Variants in MEIS1 observed in about 807,000 individuals in gnomAD.
The protein encoded by MEIS1 is Meis homeobox 1, also known as homeobox protein Meis1.
In MEIS1, 5 loss-of-function variants were observed where a neutral mutation model predicts 50.8. That is an observed-to-expected ratio of 0.10 (90% CI 0.05 to 0.21). The LOEUF is 0.21. Ranked by LOEUF, MEIS1 falls within the 10% of genes least tolerant of loss-of-function variation. The pLI is 1.00. For missense variants in MEIS1, 318 were observed against 517.3 expected (o/e 0.61, Z 3.74); for synonymous variants, 176 against 179.3 (o/e 0.98, Z 0.15).
intron 9 of MEIS1, among the ~76,000 whole-genome samples, chr2:66,559,165 GACAA>G (rs1224873782): frequency 4.0e-5 from 6 of 151,332 alleles, no homozygotes; most frequent in African/African-American, 1.5e-4. Flanking sequence ...CTGTCTCAAA[GACAA>G]ACAAACAAGT....
chr2:66,528,222 T>C (rs570881993), intron 8 of MEIS1, among the ~76,000 whole-genome samples: 3 of 152,158 alleles, frequency 2.0e-5, no homozygotes, highest in African/African-American at 7.2e-5. Flanking sequence ...AGGCCAAAGA[T>C]AGAATTTGGG....
chr2:66,470,250 T>C (rs551298347), intron 7 of MEIS1, among the ~76,000 whole-genome samples: 1 of 152,312 alleles, frequency 6.6e-6, no homozygotes, highest in African/African-American at 2.4e-5. Context: ...TTGGTTATAT[T>C]TAATGTTGAC....
chr2:66,442,557 G>T (rs749648316), intron 5 of MEIS1, among the ~76,000 whole-genome samples: 1 of 152,042 alleles, frequency 6.6e-6, no homozygotes, highest in Non-Finnish European at 1.5e-5. Flanking sequence ...AGGGATTTAT[G>T]ATAAAGTCAC....
In MEIS1 at chr2:66,440,632, TCCCTCC is replaced by T; in HGVS notation, c.432+24_432+29del. 1 of 1,572,480 alleles carries T rather than the reference TCCCTCC, an allele frequency of 6.4e-7. No individual in the cohort carries two copies. The highest frequency in any genetic ancestry group is 8.7e-7 in the Non-Finnish European group (1 of 1,152,674). On this transcript the variant is annotated intron_variant, in intron 4 of 12. Coordinates refer to ENST00000272369, the MANE Select transcript of MEIS1 (RefSeq NM_002398.3). ...AACTTGGTAAGAGCGGACCCCTATT[TCCCTCC>T]CCCGCCCCCGACCCCCTACCTCCCA...
chr2:66,488,779 C>G (rs1485334144), intron 7 of MEIS1, among the ~76,000 whole-genome samples: 1 of 152,032 alleles, frequency 6.6e-6, no homozygotes, highest in Admixed American at 6.5e-5. Flanking sequence ...TATATCTGTC[C>G]CAGCACACAA....
At chr2:66,529,825 T>TA (rs1334911192) in intron 8 of MEIS1, among the ~76,000 whole-genome samples, 1 of 152,224 alleles carries the variant, frequency 6.6e-6, no homozygotes, top group Non-Finnish European at 1.5e-5. Flanking sequence ...TATGTTTACA[T>TA]ATACAATTGA....
chr2:66,544,165 G>T (rs1340509025), intron 8 of MEIS1, among the ~76,000 whole-genome samples: 1 of 152,106 alleles, frequency 6.6e-6, no homozygotes, highest in Non-Finnish European at 1.5e-5. Context: ...TTTGCCCATT[G>T]CATGGCCTCA....
chr2:66,530,318 C>T (rs62145760), intron 8 of MEIS1, among the ~76,000 whole-genome samples: 35,451 of 152,078 alleles, frequency 0.23, 5,098 homozygotes, highest in Non-Finnish European at 0.33. Flanking sequence ...TTAACAGGCA[C>T]ATTTCATAAT....
At chr2:66,480,674 AC>A (rs1316873431) in intron 7 of MEIS1, among the ~76,000 whole-genome samples, 1 of 152,210 alleles carries the variant, frequency 6.6e-6, no homozygotes, top group Non-Finnish European at 1.5e-5. Flanking sequence ...AAATTTTAAA[AC>A]CATCAGAAAG....
chr2:66,497,001 T>C (rs1022504771), intron 7 of MEIS1, among the ~76,000 whole-genome samples: 2 of 152,154 alleles, frequency 1.3e-5, no homozygotes, highest in African/African-American at 2.4e-5. Context: ...ACTCTGAGAG[T>C]ACATGCTTCG....
intron 7 of MEIS1, among the ~76,000 whole-genome samples, chr2:66,507,843 TGTTTGA>T (rs1342527130): frequency 1.3e-5 from 2 of 152,190 alleles, no homozygotes; most frequent in African/African-American, 4.8e-5. Flanking sequence ...CGACTCGGGA[TGTTTGA>T]GTTGAGAGTG....
chr2:66,483,789 C>A (rs1463797269), intron 7 of MEIS1, among the ~76,000 whole-genome samples: 1 of 152,136 alleles, frequency 6.6e-6, no homozygotes, highest in East Asian at 1.9e-4. Context: ...AATGGCATAC[C>A]TCTTCTTGAT....
chr2:66,561,143 ATTG>A (rs1675203760), intron 9 of MEIS1, among the ~76,000 whole-genome samples: 1 of 152,142 alleles, frequency 6.6e-6, no homozygotes, highest in Non-Finnish European at 1.5e-5. Context: ...TGATTTTTTT[ATTG>A]TTGTTTAAAA....
rs62144052 is a variant in MEIS1 at position 66,509,584 on chromosome 2, T to C, written c.743-2565T>C. ...CAGGGACTGAAGGGGGTGATCTGGCTCCTGCTTGAAAGGTTTCTCCATTGT... is the reference window on the plus strand; with the variant it reads ...CAGGGACTGAAGGGGGTGATCTGGCCCCTGCTTGAAAGGTTTCTCCATTGT... On this transcript the variant is annotated intron_variant, in intron 7 of 12. Coordinates refer to ENST00000272369, the MANE Select transcript of MEIS1 (RefSeq NM_002398.3). 7.8e-3 allele frequency among the ~76,000 whole-genome samples: 1,183 copies of C among 152,334 alleles called. 6 individuals carry two copies. The highest frequency in any genetic ancestry group is 0.017 in the Middle Eastern group (5 of 294).
chr2:66,530,111 A>G (rs1674352901), intron 8 of MEIS1, among the ~76,000 whole-genome samples: 1 of 151,812 alleles, frequency 6.6e-6, no homozygotes, highest in African/African-American at 2.4e-5. Context: ...AAGTTAACTG[A>G]TGAATGTCCA....
chr2:66,536,021 G>A (rs1378454602), intron 8 of MEIS1, among the ~76,000 whole-genome samples: 1 of 152,136 alleles, frequency 6.6e-6, no homozygotes, highest in Non-Finnish European at 1.5e-5. Flanking sequence ...TCAGATCTGG[G>A]TGCTCTGCTA....
At chr2:66,528,202 G>T (rs551104065) in intron 8 of MEIS1, among the ~76,000 whole-genome samples, 1 of 152,286 alleles carries the variant, frequency 6.6e-6, no homozygotes, top group East Asian at 1.9e-4. Context: ...TGCCAAGAGA[G>T]AAAAGGAGGA....
rs547556004 is a variant in MEIS1 at position 66,571,409 on chromosome 2, A to G, written c.*201A>G. 5 of 1,606,710 alleles carry G rather than the reference A, an allele frequency of 3.1e-6. No homozygotes were observed. In the South Asian group the frequency reaches 5.5e-5, roughly 18 times the overall value. ...TTCCTGGACACCCTCACCACCCAACAGTGATGATGCATGGAGGACCGCCCC... is the reference window on the plus strand; with the variant it reads ...TTCCTGGACACCCTCACCACCCAACGGTGATGATGCATGGAGGACCGCCCC... On this transcript the variant is annotated 3_prime_UTR_variant, in exon 13 of 13. Coordinates refer to ENST00000272369, the MANE Select transcript of MEIS1 (RefSeq NM_002398.3).
intron 8 of MEIS1, among the ~76,000 whole-genome samples, chr2:66,519,496 A>G (rs1404195914): frequency 6.6e-6 from 1 of 151,990 alleles, no homozygotes; most frequent in East Asian, 1.9e-4. Flanking sequence ...AGTGCGCTCA[A>G]GAACTCAGAT....
Sources: allele counts gnomAD v4.1 joint callset (sites outside exome capture counted in the v4.1 genomes callset), GRCh38; gene constraint gnomAD v4.1.1; transcripts MANE v1.5; gene names NCBI Gene and HGNC (gene_info 2026-07-23, HGNC 2026-07-21).